The following RBFOX1 variants were observed in gnomAD, a reference collection of about 807,000 sequenced individuals.
The protein encoded by RBFOX1 is RNA binding fox-1 homolog 1, also known as RNA binding protein fox-1 homolog 1.
RBFOX1 carries 8 observed loss-of-function variants against 57.7 expected under a neutral mutation model. The ratio of observed to expected loss-of-function variants is 0.14; its 90% CI spans 0.08 to 0.25. RBFOX1 has a LOEUF of 0.25. Ranked by LOEUF, RBFOX1 falls within the 10% of genes least tolerant of loss-of-function variation. RBFOX1 has a pLI of 1.00. For missense variants in RBFOX1, 611 were observed against 548.5 expected, an observed-to-expected ratio of 1.11 and a Z score of -1.14; for synonymous variants, 326 against 222.4, an observed-to-expected ratio of 1.47 and a Z score of -4.15.
intron 1 of RBFOX1, among the ~76,000 whole-genome samples, chr16:6,201,366 C>T (rs989669357): frequency 7.9e-5 from 12 of 152,138 alleles, no homozygotes; most frequent in African/African-American, 2.2e-4. Flanking sequence ...TTTAGTTTTC[C>T]GAGGAACCTC....
intron 1 of RBFOX1, among the ~76,000 whole-genome samples, chr16:6,270,904 G>C (rs192168073): frequency 6.6e-6 from 1 of 152,166 alleles, no homozygotes; most frequent in South Asian, 2.1e-4. Context: ...AGGAGAATCT[G>C]CAAACATTTG....
intron 2 of RBFOX1, among the ~76,000 whole-genome samples, chr16:6,377,905 C>T (rs1567153583): frequency 6.6e-6 from 1 of 152,130 alleles, no homozygotes; most frequent in Non-Finnish European, 1.5e-5. Flanking sequence ...AAACTCTGCC[C>T]CACTCCAAGA....
Position 6,479,618 on chromosome 16 carries a change from C to G in RBFOX1, c.-64+162561C>G, listed in dbSNP as rs117152990. ...AGAAAAAGAAAAGAAAACCATGAAA[C>G]CATCAGATCTCATGGGAACTCACCC... On this transcript the variant is annotated intron_variant, in intron 2 of 15. Transcript: ENST00000550418. 5.6e-3 allele frequency among the ~76,000 whole-genome samples: 850 copies of G among 152,082 alleles called. 32 individuals are homozygous for G. The East Asian group carries it at 0.12, about 21-fold the overall frequency.
At chr16:5,905,518 C>G (rs4786788) in intron 4 of RBFOX1, among the ~76,000 whole-genome samples, 23,277 of 151,962 alleles carry the variant, frequency 0.15, 1,907 homozygotes, top group Middle Eastern at 0.27. Context: ...TTTTGACCAG[C>G]TTGGAAAACA....
intron 3 of RBFOX1, among the ~76,000 whole-genome samples, chr16:6,793,297 A>G (rs2083323101): frequency 6.6e-6 from 1 of 152,190 alleles, no homozygotes; most frequent in Non-Finnish European, 1.5e-5. Context: ...GATTTTACAT[A>G]AAATTTTTAA....
chr16:7,070,315 A>G (rs2057061996), intron 4 of RBFOX1, among the ~76,000 whole-genome samples: 1 of 152,210 alleles, frequency 6.6e-6, no homozygotes, highest in East Asian at 1.9e-4. Flanking sequence ...GCTTTTAACA[A>G]TATAGATGCT....
At chr16:7,699,071 C>T (rs2079765966) in intron 14 of RBFOX1, among the ~76,000 whole-genome samples, 1 of 152,164 alleles carries the variant, frequency 6.6e-6, no homozygotes, top group African/African-American at 2.4e-5. Context: ...TCCCCTGCCC[C>T]TGAGATTCTG....
intron 11 of RBFOX1, among the ~76,000 whole-genome samples, chr16:7,633,435 G>T (rs1362526318): frequency 2.0e-5 from 3 of 152,062 alleles, no homozygotes; most frequent in Non-Finnish European, 4.4e-5. Flanking sequence ...ATATGTTAAT[G>T]AACCCATAGT....
intron 14 of RBFOX1, among the ~76,000 whole-genome samples, chr16:7,701,863 G>T (rs973093028): frequency 2.0e-4 from 30 of 152,316 alleles, no homozygotes; most frequent in African/African-American, 6.3e-4. Flanking sequence ...ATTGCTTTCT[G>T]AATTTCCCAA....
At chr16:6,504,479 C>T (rs904824682) in intron 2 of RBFOX1, among the ~76,000 whole-genome samples, 5 of 152,170 alleles carry the variant, frequency 3.3e-5, no homozygotes, top group African/African-American at 1.2e-4. Context: ...AGAAAATTTG[C>T]ATGAGACCTT....
chr16:5,635,939 T>G (rs936209957), intron 3 of RBFOX1, among the ~76,000 whole-genome samples: 2 of 152,218 alleles, frequency 1.3e-5, no homozygotes, highest in African/African-American at 4.8e-5. Flanking sequence ...CCAGGTGCAG[T>G]GGCCCATGCC....
intron 14 of RBFOX1, among the ~76,000 whole-genome samples, chr16:7,686,929 C>CT (rs766847381): frequency 3.3e-5 from 5 of 152,116 alleles, no homozygotes; most frequent in African/African-American, 4.8e-5. Flanking sequence ...AAACTCAGAT[C>CT]TTTTTTTGGT....
intron 3 of RBFOX1, among the ~76,000 whole-genome samples, chr16:6,858,438 C>G (rs1339026963): frequency 6.6e-6 from 1 of 152,284 alleles, no homozygotes; most frequent in East Asian, 1.9e-4. Flanking sequence ...AGGAGTTCCA[C>G]AATCTCGTTA....
chr16:5,924,032 C>A (rs2058891297), intron 4 of RBFOX1, among the ~76,000 whole-genome samples: 1 of 152,036 alleles, frequency 6.6e-6, no homozygotes, highest in African/African-American at 2.4e-5. Flanking sequence ...GTAGTGTACC[C>A]CATGCTGTTC....
At chr16:6,263,129 G>C (rs2097711344) in intron 1 of RBFOX1, among the ~76,000 whole-genome samples, 1 of 152,150 alleles carries the variant, frequency 6.6e-6, no homozygotes, top group Non-Finnish European at 1.5e-5. Flanking sequence ...CCTGTGGGTT[G>C]AAATGGGTTG....
At chr16:7,700,896 A>G (rs554585006) in intron 14 of RBFOX1, among the ~76,000 whole-genome samples, 2 of 152,258 alleles carry the variant, frequency 1.3e-5, no homozygotes, top group South Asian at 2.1e-4. Flanking sequence ...CTGATTTGCC[A>G]TGGGTAAATG....
chr16:5,416,474 A>C (rs146369561), intron 1 of RBFOX1, among the ~76,000 whole-genome samples: 1,574 of 152,256 alleles, frequency 0.01, 37 homozygotes, highest in African/African-American at 0.036. Flanking sequence ...AGAAGTGATG[A>C]TTTCCAAGCT....
rs141603122 is a variant in RBFOX1 at position 6,187,550 on chromosome 16, G to A, written c.-126-129445G>A. ...AGCTCTCACAAGTATTGTGTAAGGTGTCTCTGGAAAACAGATTGGAGAAGA... is the reference window on the plus strand; with the variant it reads ...AGCTCTCACAAGTATTGTGTAAGGTATCTCTGGAAAACAGATTGGAGAAGA... On this transcript the variant is annotated intron_variant, in intron 1 of 15. Transcript: ENST00000550418. Among the ~76,000 whole-genome samples the A allele has an allele frequency of 7.0e-4, 107 of 152,302 alleles. 1 individual carries two copies. The highest frequency in any genetic ancestry group is 2.0e-3 in the African/African-American group (84 of 41,576).
At chr16:7,428,235 C>T (rs879774544) in intron 4 of RBFOX1, among the ~76,000 whole-genome samples, 1 of 151,784 alleles carries the variant, frequency 6.6e-6, no homozygotes, top group Non-Finnish European at 1.5e-5. Context: ...CAACACCTAG[C>T]ATTGCTATTG....
Sources: gnomAD v4.1 joint callset for allele counts (sites outside exome capture counted in the v4.1 genomes callset) on GRCh38, gnomAD v4.1.1 for gene constraint, MANE v1.5 for transcripts, NCBI Gene and HGNC (gene_info 2026-07-23, HGNC 2026-07-21) for gene names.